The following DMD variants were observed in gnomAD, a reference collection of about 807,000 sequenced individuals.
The protein encoded by DMD is dystrophin.
In DMD, 63 loss-of-function variants were observed where a neutral mutation model predicts 330.1. The ratio of observed to expected loss-of-function variants is 0.19; its 90% CI spans 0.16 to 0.24. The LOEUF (loss-of-function observed/expected upper bound fraction) is 0.24. DMD is among the 10% of genes least tolerant of loss of function. The pLI, the probability that DMD is intolerant of heterozygous loss-of-function variation, is 1.00. For missense variants in DMD, 3,344 were observed against 2,684.1 expected (o/e 1.25, Z -5.43); for synonymous variants, 1,223 against 959.8 (o/e 1.27, Z -5.07).
At chrX:32,504,759 G>C (rs1296180009) in intron 18 of DMD, among the ~76,000 whole-genome samples, 1 of 111,657 alleles carries the variant, frequency 9.0e-6, no homozygotes, top group Non-Finnish European at 1.9e-5. Flanking sequence ...GACTACTAGA[G>C]TGGGGAGGGA....
intron 2 of DMD, among the ~76,000 whole-genome samples, chrX:32,967,310 G>C (rs1208521976): frequency 9.0e-6 from 1 of 111,575 alleles, no homozygotes; most frequent in Non-Finnish European, 1.9e-5. Context: ...AGGAAGATCT[G>C]TGATGGAGAT....
At chrX:32,315,686 C>A (rs189982726) in intron 41 of DMD, among the ~76,000 whole-genome samples, 109 of 111,026 alleles carry the variant, frequency 9.8e-4, no homozygotes, top group African/African-American at 3.4e-3. Flanking sequence ...CACACCATAC[C>A]CTGGCTTCTC....
intron 2 of DMD, among the ~76,000 whole-genome samples, chrX:32,905,976 GTGAA>G (rs1333704683): frequency 8.9e-6 from 1 of 112,017 alleles, no homozygotes; most frequent in African/African-American, 3.2e-5. Context: ...AAATGAGTGA[GTGAA>G]TGAATGAATG....
chrX:31,802,769 T>C (rs1053848662), intron 50 of DMD, among the ~76,000 whole-genome samples: 6 of 111,802 alleles, frequency 5.4e-5, no homozygotes, highest in African/African-American at 2.0e-4. Context: ...AAATATGCAG[T>C]ATGGAATACA....
intron 1 of DMD, among the ~76,000 whole-genome samples, chrX:33,022,281 G>A (rs1040543407): frequency 9.0e-6 from 1 of 110,746 alleles, no homozygotes; most frequent in Non-Finnish European, 1.9e-5. Flanking sequence ...TGAAAAATAC[G>A]TAGTAGAATA....
At chrX:31,965,050 C>A (rs1318356773) in intron 45 of DMD, among the ~76,000 whole-genome samples, 1 of 111,633 alleles carries the variant, frequency 9.0e-6, no homozygotes, top group Non-Finnish European at 1.9e-5. Context: ...GCTTCCGTCT[C>A]CCATTCAAAC....
rs72466576 is a variant in DMD, at chrX:31,508,424, A to T, written c.8218-971T>A. 80 of 383,039 alleles carry T rather than the reference A, an allele frequency of 2.1e-4. No individual in the cohort carries two copies. The Middle Eastern group carries it at 2.1e-3, about 10-fold the overall frequency. The allele number at this position is 383,039 out of a possible 1,213,427, so 31.6% of individuals were successfully genotyped here. A position where few individuals can be genotyped will look rare whatever the true frequency, so the allele number is the denominator to read the frequency against. On this transcript the variant is annotated intron_variant, in intron 55 of 78. Transcript: ENST00000357033. ...GGCCACTTTGTACTCCGCACTAAAC[A>T]GTAGCCAGGCGTGTGGATGTGGGAG... is the stretch of plus-strand genomic sequence containing the variant.
intron 17 of DMD, 86 bp from the exon 18 acceptor site, chrX:32,518,217 T>C (rs2046055955): frequency 1.0e-6 from 1 of 969,674 alleles, no homozygotes; most frequent in Non-Finnish European, 1.4e-6. Flanking sequence ...CATTTATCAT[T>C]CTTTTCTCAA....
intron 17 of DMD, among the ~76,000 whole-genome samples, chrX:32,543,658 C>A (rs1447842358): frequency 2.7e-5 from 3 of 111,962 alleles, no homozygotes; most frequent in Non-Finnish European, 1.9e-5. Context: ...CGGATTTGTG[C>A]CATTATGCTT....
At chrX:31,210,101 C>T (rs2044499826) in intron 64 of DMD, among the ~76,000 whole-genome samples, 1 of 111,556 alleles carries the variant, frequency 9.0e-6, no homozygotes, top group Admixed American at 9.5e-5. Flanking sequence ...CTTGTATTAG[C>T]ATTAGAGAAG....
chrX:33,053,364 GGC>G (rs767556092), intron 1 of DMD, among the ~76,000 whole-genome samples: 1 of 111,216 alleles, frequency 9.0e-6, no homozygotes, highest in Non-Finnish European at 1.9e-5. Flanking sequence ...GGGAGGCTGA[GGC>G]GGGCGGATCA....
chrX:31,863,823 T>C (rs2093752488), intron 48 of DMD, among the ~76,000 whole-genome samples: 2 of 111,670 alleles, frequency 1.8e-5, no homozygotes, highest in African/African-American at 6.5e-5. Context: ...AGAATTATGA[T>C]AGAGTGGCTA....
chrX:32,554,179 T>C (rs1398439935), intron 16 of DMD, among the ~76,000 whole-genome samples: 1 of 111,556 alleles, frequency 9.0e-6, no homozygotes, highest in Non-Finnish European at 1.9e-5. Context: ...TCACATCAAA[T>C]AGCTAGAAAG....
intron 44 of DMD, among the ~76,000 whole-genome samples, chrX:32,073,629 T>C (rs2096318694): frequency 8.9e-6 from 1 of 111,773 alleles, no homozygotes; most frequent in South Asian, 3.7e-4. Flanking sequence ...TACTTTAGAC[T>C]CATAAGTTTT....
chrX:32,065,445 T>C (rs181943211), intron 44 of DMD, among the ~76,000 whole-genome samples: 25 of 112,162 alleles, frequency 2.2e-4, no homozygotes, highest in African/African-American at 8.0e-4. Flanking sequence ...GCTCTCATAA[T>C]TGAATGTGAT....
chrX:32,838,176 T>G (rs149934242), intron 4 of DMD, among the ~76,000 whole-genome samples: 1 of 112,040 alleles, frequency 8.9e-6, no homozygotes, highest in Non-Finnish European at 1.9e-5. Context: ...CGTTATTGAC[T>G]GTAACTTTCT....
intron 1 of DMD, among the ~76,000 whole-genome samples, chrX:33,104,949 G>A (rs1007734937): frequency 8.9e-6 from 1 of 112,017 alleles, no homozygotes; most frequent in African/African-American, 3.2e-5. Context: ...TGTAAACAAA[G>A]TAACTGATTT....
intron 17 of DMD, among the ~76,000 whole-genome samples, chrX:32,523,099 G>A (rs928617539): frequency 7.1e-5 from 8 of 111,889 alleles, no homozygotes; most frequent in African/African-American, 2.6e-4. Context: ...CTATGTTGGA[G>A]AAAGATTTCT....
chrX:32,052,414 T>C (rs1287747799), intron 44 of DMD, among the ~76,000 whole-genome samples: 2 of 111,475 alleles, frequency 1.8e-5, no homozygotes, highest in Non-Finnish European at 3.8e-5. Context: ...TATCACCCCT[T>C]AATTCAAAAT....
Sources: allele counts gnomAD v4.1 joint callset (sites outside exome capture counted in the v4.1 genomes callset), GRCh38; gene constraint gnomAD v4.1.1; transcripts MANE v1.5; gene names NCBI Gene and HGNC (gene_info 2026-07-23, HGNC 2026-07-21).